The following KIF16B variants were observed in gnomAD, a reference collection of about 807,000 sequenced individuals.
KIF16B encodes kinesin family member 16B.
In KIF16B, 98 loss-of-function variants were observed where a neutral mutation model predicts 156.3. The observed-to-expected ratio is 0.63, with a 90% CI of 0.53 to 0.74. KIF16B has a LOEUF of 0.74. Ranked by LOEUF, KIF16B falls within the 30% of genes least tolerant of loss-of-function variation. KIF16B has a pLI of 0.00. For missense variants in KIF16B, 1,421 were observed against 1,606.5 expected (o/e 0.88, Z 1.97); for synonymous variants, 564 against 583.7 (o/e 0.97, Z 0.49).
At chr20:16,550,375 T>C (rs6135791) in intron 1 of KIF16B, among the ~76,000 whole-genome samples, 4 of 151,456 alleles carry the variant, frequency 2.6e-5, no homozygotes, top group South Asian at 2.1e-4. Flanking sequence ...TGTGGAGAAA[T>C]AGGAACACTA....
chr20:16,275,744 CTTAG>C (rs2063051276), intron 25 of KIF16B, among the ~76,000 whole-genome samples: 1 of 152,052 alleles, frequency 6.6e-6, no homozygotes, highest in Admixed American at 6.5e-5. Flanking sequence ...AGATCTTAAT[CTTAG>C]TAATTATTTT....
chr20:16,534,228 C>G (rs2069867655), intron 1 of KIF16B, among the ~76,000 whole-genome samples: 1 of 151,584 alleles, frequency 6.6e-6, no homozygotes. Context: ...TCACTCCAGC[C>G]TAGGTGAAAG....
intron 19 of KIF16B, among the ~76,000 whole-genome samples, chr20:16,377,481 G>A (rs1334417563): frequency 6.6e-6 from 1 of 152,134 alleles, no homozygotes; most frequent in African/African-American, 2.4e-5. Context: ...CCACTTGGGT[G>A]GCTGGGGCAG....
At chr20:16,302,340 T>C (rs1008771874) in intron 25 of KIF16B, among the ~76,000 whole-genome samples, 2 of 152,250 alleles carry the variant, frequency 1.3e-5, no homozygotes, top group African/African-American at 2.4e-5. Flanking sequence ...CATGTGGATA[T>C]CCAATTGTTC....
intron 12 of KIF16B, among the ~76,000 whole-genome samples, chr20:16,479,738 G>T (rs1245252243): frequency 6.6e-6 from 1 of 152,126 alleles, no homozygotes; most frequent in Non-Finnish European, 1.5e-5. Context: ...TGCTCTACAG[G>T]TTTGTAGCCT....
At chr20:16,571,198 C>T (rs756936623) in intron 1 of KIF16B, among the ~76,000 whole-genome samples, 2 of 152,140 alleles carry the variant, frequency 1.3e-5, no homozygotes, top group Non-Finnish European at 2.9e-5. Context: ...TGACTCTACA[C>T]TCGCATTCTT....
intron 15 of KIF16B, among the ~76,000 whole-genome samples, chr20:16,412,782 G>A (rs1356923899): frequency 1.3e-5 from 2 of 151,960 alleles, no homozygotes; most frequent in East Asian, 1.9e-4. Context: ...GTGGGGACAC[G>A]GCCAAACCAT....
chr20:16,337,373 C>A (rs1262122107), intron 23 of KIF16B, among the ~76,000 whole-genome samples: 3 of 152,162 alleles, frequency 2.0e-5, no homozygotes, highest in Non-Finnish European at 4.4e-5. Flanking sequence ...CCCAGCCATT[C>A]TTTCATTCGC....
chr20:16,398,796 C>T (rs2146219890), intron 17 of KIF16B, among the ~76,000 whole-genome samples: 1 of 152,200 alleles, frequency 6.6e-6, no homozygotes, highest in Middle Eastern at 3.4e-3. Flanking sequence ...TGACTGTTAT[C>T]AACCGACAGG....
chr20:16,394,108 A>G (rs1433569960), intron 17 of KIF16B, among the ~76,000 whole-genome samples: 2 of 152,230 alleles, frequency 1.3e-5, no homozygotes, highest in African/African-American at 4.8e-5. Flanking sequence ...TGTAACTGCC[A>G]TTCATCATTT....
chr20:16,469,738 C>T (rs2067605022), intron 12 of KIF16B, among the ~76,000 whole-genome samples: 1 of 152,130 alleles, frequency 6.6e-6, no homozygotes, highest in South Asian at 2.1e-4. Context: ...TGCAAAGTGG[C>T]ACAGTCACTT....
At chr20:16,408,295 T>G (rs1176375261) in intron 15 of KIF16B, among the ~76,000 whole-genome samples, 2 of 152,150 alleles carry the variant, frequency 1.3e-5, no homozygotes, top group African/African-American at 4.8e-5. Flanking sequence ...GGAGCCCTAG[T>G]GGGGCAGCAG....
At chr20:16,497,750 T>A (rs190372163) in intron 10 of KIF16B, 72 bp from the exon 11 acceptor site, 1 of 1,127,454 alleles carries the variant, frequency 8.9e-7, no homozygotes, top group Non-Finnish European at 1.3e-6. Flanking sequence ...CTGAATATAG[T>A]AAATTATCCA....
At chr20:16,349,480 C>T (rs1043171133) in intron 23 of KIF16B, among the ~76,000 whole-genome samples, 15 of 152,218 alleles carry the variant, frequency 9.9e-5, no homozygotes, top group South Asian at 2.1e-4. Flanking sequence ...TTTTGCCCTA[C>T]GAGTGCTGCC....
In KIF16B at chr20:16,440,533, G is replaced by GCACA. The variant is rs71192333; in HGVS notation, c.1303-10555_1303-10552dup. On this transcript the variant is annotated intron_variant, in intron 12 of 25. Transcript: ENST00000354981. The stretch of plus-strand genomic sequence containing the variant: ...CTATGGTTAAAACACACAAGCGCGC[G>GCACA]CACACACACACACACACACACACAC... Among the ~76,000 whole-genome samples, 785 of 138,292 alleles carry GCACA rather than the reference G, an allele frequency of 5.7e-3. 6 individuals are homozygous for GCACA. Among genetic ancestry groups the GCACA allele is most frequent in the Non-Finnish European group, 8.7e-3 (558 of 64,106 alleles). 90.7% of individuals were successfully genotyped at this position (138,292 alleles called of 152,430 possible).
At chr20:16,438,550 GC>G (rs1365282786) in intron 12 of KIF16B, among the ~76,000 whole-genome samples, 1 of 152,076 alleles carries the variant, frequency 6.6e-6, no homozygotes, top group African/African-American at 2.4e-5. Flanking sequence ...TATCTCCTCT[GC>G]AGACAAGCGG....
At chr20:16,452,909 A>G (rs1347543350) in intron 12 of KIF16B, among the ~76,000 whole-genome samples, 2 of 152,132 alleles carry the variant, frequency 1.3e-5, no homozygotes, top group African/African-American at 4.8e-5. Flanking sequence ...AAAAAATAGA[A>G]GAAGTGAAGA....
chr20:16,279,519 G>A (rs1388645340), intron 25 of KIF16B, among the ~76,000 whole-genome samples: 2 of 152,146 alleles, frequency 1.3e-5, no homozygotes, highest in Non-Finnish European at 2.9e-5. Flanking sequence ...CACAGCGCTG[G>A]CAGGGGGCAG....
chr20:16,571,850 C>T (rs896952745), intron 1 of KIF16B, among the ~76,000 whole-genome samples: 2 of 152,126 alleles, frequency 1.3e-5, no homozygotes, highest in South Asian at 2.1e-4. Context: ...AGGATGGTCT[C>T]CATCTCTTGA....
Sources: gnomAD v4.1 joint callset for allele counts (sites outside exome capture counted in the v4.1 genomes callset) on GRCh38, gnomAD v4.1.1 for gene constraint, MANE v1.5 for transcripts, NCBI Gene and HGNC (gene_info 2026-07-23, HGNC 2026-07-21) for gene names.